The following LYPLA1 variants were observed in gnomAD, a reference collection of about 807,000 sequenced individuals.
LYPLA1 encodes lysophospholipase 1.
Under a neutral mutation model 34.0 loss-of-function variants are expected in LYPLA1, and 17 were observed. That is an observed-to-expected ratio of 0.50 (90% CI 0.34 to 0.75). The LOEUF is 0.75. LYPLA1 is among the 30% of genes least tolerant of loss of function. LYPLA1 has a pLI of 0.01. For synonymous variants in LYPLA1, 98 were observed against 100.8 expected (o/e 0.97, Z 0.17); for missense variants, 203 against 288.8 (o/e 0.70, Z 2.15).
intron 2 of LYPLA1, among the ~76,000 whole-genome samples, chr8:54,076,298 G>T (rs895647602): frequency 2.6e-5 from 4 of 152,208 alleles, no homozygotes; most frequent in Non-Finnish European, 5.9e-5. Flanking sequence ...GAACTGGAGT[G>T]CTTAAAGGAG....
intron 2 of LYPLA1, among the ~76,000 whole-genome samples, chr8:54,086,337 C>T (rs1164350070): frequency 1.3e-5 from 2 of 148,716 alleles, no homozygotes; most frequent in East Asian, 4.1e-4. Flanking sequence ...CCTTTGTTCA[C>T]ATGTTTATCT....
At chr8:54,055,729 C>T (rs1254233788) in intron 5 of LYPLA1, among the ~76,000 whole-genome samples, 3 of 151,816 alleles carry the variant, frequency 2.0e-5, no homozygotes, top group South Asian at 2.1e-4. Context: ...CTGCAAGCTC[C>T]GCCTACTGGA....
chr8:54,093,272 G>C (rs1467871480), intron 2 of LYPLA1, among the ~76,000 whole-genome samples: 1 of 152,128 alleles, frequency 6.6e-6, no homozygotes, highest in Admixed American at 6.5e-5. Context: ...CTGAAACCTC[G>C]GAATGTGACT....
chr8:54,057,537 TA>T (rs1176138735), intron 5 of LYPLA1, among the ~76,000 whole-genome samples: 1 of 152,126 alleles, frequency 6.6e-6, no homozygotes, highest in East Asian at 1.9e-4. Context: ...TGGAGATCAT[TA>T]TGTTAAGGGA....
At chr8:54,086,074 C>G (rs576869853) in intron 2 of LYPLA1, among the ~76,000 whole-genome samples, 1 of 152,276 alleles carries the variant, frequency 6.6e-6, no homozygotes, top group South Asian at 2.1e-4. Context: ...CCATTTTGTT[C>G]TGTATTAAGA....
chr8:54,084,137 A>AAAAAAAAAAAATTTTT, intron 2 of LYPLA1, among the ~76,000 whole-genome samples: 1 of 120,178 alleles, frequency 8.3e-6, no homozygotes, highest in Admixed American at 7.6e-5. Context: ...AAAAAAAATA[A>AAAAAAAAAAAATTTTT]ATAAATATAT....
chr8:54,052,880 C>G, intron 6 of LYPLA1, 124 bp from the exon 7 acceptor site: 1 of 636,884 alleles, frequency 1.6e-6, no homozygotes, highest in South Asian at 1.9e-5. Context: ...CAAATCAAAT[C>G]AGGCAAATAT....
At chr8:54,051,787 T>C (rs939358248) in intron 7 of LYPLA1, among the ~76,000 whole-genome samples, 5 of 151,278 alleles carry the variant, frequency 3.3e-5, no homozygotes, top group Non-Finnish European at 5.9e-5. Context: ...TATTTTCAGC[T>C]TTTTTTTGTT....
At chr8:54,087,961 G>A (rs1361778642) in intron 2 of LYPLA1, among the ~76,000 whole-genome samples, 1 of 152,168 alleles carries the variant, frequency 6.6e-6, no homozygotes, top group African/African-American at 2.4e-5. Context: ...TGGCTGGAAC[G>A]GGACCTCACA....
intron 2 of LYPLA1, among the ~76,000 whole-genome samples, chr8:54,080,462 T>C (rs1306771895): frequency 6.6e-6 from 1 of 152,218 alleles, no homozygotes. Flanking sequence ...AAGCTTGACC[T>C]ATATCATGGC....
At chr8:54,076,602 T>A (rs1221494465) in intron 2 of LYPLA1, among the ~76,000 whole-genome samples, 1 of 152,174 alleles carries the variant, frequency 6.6e-6, no homozygotes, top group East Asian at 1.9e-4. Flanking sequence ...TATAACATGT[T>A]CATAATGGCC....
intron 2 of LYPLA1, among the ~76,000 whole-genome samples, chr8:54,092,398 G>A (rs1315767157): frequency 6.6e-6 from 1 of 152,018 alleles, no homozygotes; most frequent in African/African-American, 2.4e-5. Context: ...AGAAGAAGAG[G>A]AGGCATGCAG....
chr8:54,098,216 C>G (rs896595640), intron 2 of LYPLA1, among the ~76,000 whole-genome samples: 6 of 151,432 alleles, frequency 4.0e-5, no homozygotes, highest in South Asian at 4.2e-4. Flanking sequence ...GAGCAAGACT[C>G]TGTCTCAAAA....
intron 2 of LYPLA1, 171 bp downstream of exon 2, chr8:54,100,737 G>C (rs867684084): frequency 1.6e-6 from 1 of 619,542 alleles, no homozygotes; most frequent in Admixed American, 3.4e-5. Flanking sequence ...CGATGATAAG[G>C]GGAAAATTCT....
chr8:54,083,819 T>C (rs1348267070), intron 2 of LYPLA1, among the ~76,000 whole-genome samples: 3 of 152,182 alleles, frequency 2.0e-5, no homozygotes, highest in African/African-American at 7.2e-5. Context: ...TGGAAATGTA[T>C]AGCTGTAGAC....
chr8:54,084,141 A>AAAAAAAAAAAT (rs1554547936), intron 2 of LYPLA1, among the ~76,000 whole-genome samples: 2 of 118,674 alleles, frequency 1.7e-5, no homozygotes, highest in African/African-American at 9.2e-5. Flanking sequence ...AAAATAAATA[A>AAAAAAAAAAAT]ATATATATAT....
At chr8:54,052,594 A>G (rs1174021265) in intron 7 of LYPLA1, 61 bp downstream of exon 7, 17 of 1,060,842 alleles carry the variant, frequency 1.6e-5, no homozygotes, top group Non-Finnish European at 2.4e-5. Flanking sequence ...TTTATCTCCA[A>G]CAATATCTAC....
chr8:54,098,295 G>T (rs1809846100), intron 2 of LYPLA1, among the ~76,000 whole-genome samples: 1 of 152,116 alleles, frequency 6.6e-6, no homozygotes, highest in African/African-American at 2.4e-5. Context: ...CTAACAGATG[G>T]TGAATGGATA....
chr8:54,049,969 G>A (rs1220656753), intron 8 of LYPLA1, among the ~76,000 whole-genome samples: 1 of 152,056 alleles, frequency 6.6e-6, no homozygotes, highest in East Asian at 1.9e-4. Context: ...TTCCCACTCT[G>A]AAATTCTCTC....
Sources: allele counts gnomAD v4.1 joint callset (sites outside exome capture counted in the v4.1 genomes callset), GRCh38; gene constraint gnomAD v4.1.1; transcripts MANE v1.5; gene names NCBI Gene and HGNC (gene_info 2026-07-23, HGNC 2026-07-21).